The following PLGRKT variants were observed in gnomAD, a reference collection of about 807,000 sequenced individuals.
The protein encoded by PLGRKT is plasminogen receptor with a C-terminal lysine.
In PLGRKT, 22 loss-of-function variants were observed where a neutral mutation model predicts 18.5. The observed-to-expected ratio is 1.19, with a 90% CI of 0.85 to 1.70. PLGRKT has a LOEUF of 1.70. Ranked by LOEUF, PLGRKT falls within the 40% of genes most tolerant of loss-of-function variation. PLGRKT has a pLI of 0.00. For synonymous variants in PLGRKT, 72 were observed against 52.8 expected, an observed-to-expected ratio of 1.36 and a Z score of -1.58; for missense variants, 235 against 174.4, an observed-to-expected ratio of 1.35 and a Z score of -1.96.
chr9:5,413,010 G>A (rs1818394032), intron 3 of PLGRKT, among the ~76,000 whole-genome samples: 1 of 152,064 alleles, frequency 6.6e-6, no homozygotes, highest in Non-Finnish European at 1.5e-5. Flanking sequence ...CATAATTAAA[G>A]AAAAGCAAAT....
chr9:5,433,134 C>T (rs72503740), intron 2 of PLGRKT, among the ~76,000 whole-genome samples: 6 of 148,774 alleles, frequency 4.0e-5, no homozygotes, highest in South Asian at 4.3e-4. Context: ...AAGTGAGGAG[C>T]GCTTCTGCCT....
At chr9:5,400,503 T>C (rs964789135) in intron 3 of PLGRKT, among the ~76,000 whole-genome samples, 1 of 151,920 alleles carries the variant, frequency 6.6e-6, no homozygotes, top group African/African-American at 2.4e-5. Flanking sequence ...TTGGTAAATA[T>C]ACTTGAACTG....
At chr9:5,403,012 G>C (rs1818184300) in intron 3 of PLGRKT, among the ~76,000 whole-genome samples, 1 of 151,810 alleles carries the variant, frequency 6.6e-6, no homozygotes, top group Admixed American at 6.5e-5. Context: ...AGGAAAAATA[G>C]TATTCTCCCC....
intron 3 of PLGRKT, among the ~76,000 whole-genome samples, chr9:5,392,155 G>C (rs750854304): frequency 6.6e-6 from 1 of 151,898 alleles, no homozygotes; most frequent in Non-Finnish European, 1.5e-5. Context: ...AATCTCAGAC[G>C]CTGTAATAGC....
rs1818501588 is a variant in PLGRKT, at chr9:5,418,241, G to A, written c.81+13656C>T. On this transcript the variant is annotated intron_variant, in intron 3 of 5. Coordinates refer to ENST00000223864, the MANE Select transcript of PLGRKT (RefSeq NM_018465.4). This position sits in a 1 kb window ranked among gnomAD's most constrained non-coding sequence, Gnocchi z 4.2. ...TGTCTGTCTTGCGGTAAATCAAGAG[G>A]CAAACCAGAGGCCAGCTCTCAGCAC... 4 of 359,860 alleles carry A rather than the reference G, an allele frequency of 1.1e-5. No homozygotes were observed. Among genetic ancestry groups the A allele is most frequent in the Non-Finnish European group, 2.1e-5 (4 of 189,146 alleles). 22.3% of individuals were successfully genotyped at this position (359,860 alleles called of 1,614,324 possible).
intron 2 of PLGRKT, among the ~76,000 whole-genome samples, chr9:5,434,312 G>A (rs1265139364): frequency 1.4e-5 from 2 of 139,714 alleles, no homozygotes; most frequent in Admixed American, 7.0e-5. Context: ...CGTCTGGGAA[G>A]TGGGCGCCTC....
Position 5,365,883 on chromosome 9 carries a change from T to C in PLGRKT, c.82-3995A>G, listed in dbSNP as rs142534049. On this transcript the variant is annotated intron_variant, in intron 3 of 5. Transcript: ENST00000223864. ...TTATATTCTGAGTCGGTTCCCTTACTGTTAAGAATAAAGGCAATCTTGTCC... is the reference window on the plus strand; with the variant it reads ...TTATATTCTGAGTCGGTTCCCTTACCGTTAAGAATAAAGGCAATCTTGTCC... 3.5e-3 allele frequency among the ~76,000 whole-genome samples: 528 copies of C among 152,270 alleles called. 1 individual carries two copies. Among genetic ancestry groups the C allele is most frequent in the African/African-American group, 0.012 (518 of 41,556 alleles).
At chr9:5,373,759 T>C (rs1052924805) in intron 3 of PLGRKT, among the ~76,000 whole-genome samples, 3 of 151,376 alleles carry the variant, frequency 2.0e-5, no homozygotes, top group Admixed American at 2.0e-4. Flanking sequence ...TCTGGGTGAC[T>C]AGAGCAAGGC....
intron 3 of PLGRKT, among the ~76,000 whole-genome samples, chr9:5,396,312 G>T (rs1172695736): frequency 1.3e-5 from 2 of 151,680 alleles, no homozygotes; most frequent in African/African-American, 2.4e-5. Context: ...TTGAGACAGG[G>T]TGTCACTCTG....
chr9:5,424,909 C>G (rs550488383), intron 3 of PLGRKT, among the ~76,000 whole-genome samples: 3 of 151,348 alleles, frequency 2.0e-5, no homozygotes, highest in South Asian at 2.1e-4. Context: ...CCCCACCCAG[C>G]CTATACATAT....
At chr9:5,374,815 C>T (rs1817597228) in intron 3 of PLGRKT, among the ~76,000 whole-genome samples, 1 of 151,980 alleles carries the variant, frequency 6.6e-6, no homozygotes, top group African/African-American at 2.4e-5. Flanking sequence ...ATTCATATTC[C>T]TATATGATCA....
At chr9:5,386,610 G>C (rs1358911097) in intron 3 of PLGRKT, among the ~76,000 whole-genome samples, 1 of 151,836 alleles carries the variant, frequency 6.6e-6, no homozygotes, top group Non-Finnish European at 1.5e-5. Flanking sequence ...AGAGGCCAAA[G>C]AGAAATGTGA....
chr9:5,359,210 T>A lies in PLGRKT; in HGVS notation c.323-850A>T, dbSNP rs1231899627. ...CCTGAGTAGCTGGGACTACAGGTGG[T>A]GTACACCGGCTAATTTTTTGTATTT... On this transcript the variant is annotated intron_variant, in intron 5 of 5. Coordinates refer to ENST00000223864, the MANE Select transcript of PLGRKT (RefSeq NM_018465.4). Among the ~76,000 whole-genome samples, 4 of 151,994 alleles carry A rather than the reference T, an allele frequency of 2.6e-5. No individual in the cohort carries two copies. The South Asian group carries it at 8.3e-4, about 32-fold the overall frequency.
At chr9:5,395,617 C>T (rs528532753) in intron 3 of PLGRKT, among the ~76,000 whole-genome samples, 1 of 151,952 alleles carries the variant, frequency 6.6e-6, no homozygotes, top group East Asian at 1.9e-4. Flanking sequence ...TTAAACAGTG[C>T]AAATTCCTTT....
intron 2 of PLGRKT, among the ~76,000 whole-genome samples, chr9:5,432,901 C>T (rs1346837976): frequency 6.6e-6 from 1 of 151,992 alleles, no homozygotes; most frequent in African/African-American, 2.4e-5. Context: ...AGATTACAGC[C>T]TCTGCCCGCC....
intron 3 of PLGRKT, among the ~76,000 whole-genome samples, chr9:5,385,276 C>G (rs1168628183): frequency 6.6e-6 from 1 of 151,744 alleles, no homozygotes; most frequent in Non-Finnish European, 1.5e-5. Context: ...CATAACTTTC[C>G]CAATGTTTGT....
chr9:5,363,940 T>C (rs1417282286), intron 3 of PLGRKT, among the ~76,000 whole-genome samples: 1 of 152,252 alleles, frequency 6.6e-6, no homozygotes, highest in Non-Finnish European at 1.5e-5. Context: ...AAGATTAGTG[T>C]GTGAAATTCA....
rs537788044 is a variant in PLGRKT at position 5,426,377 on chromosome 9, G to C, written c.81+5520C>G. 1.2e-3 allele frequency among the ~76,000 whole-genome samples: 187 copies of C among 152,226 alleles called. 1 individual carries two copies. The highest frequency in any genetic ancestry group is 2.1e-3 in the Non-Finnish European group (143 of 68,008). ...AAGGAAAGAACAGCTCAAAACCCTA[G>C]AATGATGCTGGAAGTTTAATTCCTT... On this transcript the variant is annotated intron_variant, in intron 3 of 5. Coordinates refer to ENST00000223864, the MANE Select transcript of PLGRKT (RefSeq NM_018465.4).
At chr9:5,358,959 C>G (rs1817199403) in intron 5 of PLGRKT, among the ~76,000 whole-genome samples, 1 of 152,130 alleles carries the variant, frequency 6.6e-6, no homozygotes, top group African/African-American at 2.4e-5. Flanking sequence ...CTACTTAGCA[C>G]ATTGTAAAAA....
Sources: gnomAD v4.1 joint callset for allele counts (sites outside exome capture counted in the v4.1 genomes callset) on GRCh38, gnomAD v4.1.1 for gene constraint, Gnocchi (gnomAD v3.1) non-coding constraint, MANE v1.5 for transcripts, NCBI Gene and HGNC (gene_info 2026-07-23, HGNC 2026-07-21) for gene names.